The following GXYLT2 variants were observed in gnomAD, a reference collection of about 807,000 sequenced individuals.
GXYLT2 encodes the protein glucoside xylosyltransferase 2, also known as glycosyltransferase 8 domain containing 4.
A neutral mutation model predicts 45.8 loss-of-function variants in GXYLT2; 53 were observed. The ratio of observed to expected loss-of-function variants is 1.16; its 90% confidence interval spans 0.93 to 1.46. GXYLT2 has a LOEUF of 1.46. Ranked by LOEUF, GXYLT2 falls within the 40% of genes most tolerant of loss-of-function variation. The pLI, the probability that GXYLT2 is intolerant of heterozygous loss-of-function variation, is 0.00. For synonymous variants in GXYLT2, 219 were observed against 214.2 expected, an observed-to-expected ratio of 1.02 and a Z score of -0.19; for missense variants, 551 against 544.4, an observed-to-expected ratio of 1.01 and a Z score of -0.12.
intron 1 of GXYLT2, among the ~76,000 whole-genome samples, chr3:72,893,082 C>G (rs535448064): frequency 6.6e-6 from 1 of 152,142 alleles, no homozygotes; most frequent in Admixed American, 6.5e-5. Context: ...TCCTTACGGC[C>G]GCTTCAATAA....
chr3:72,895,569 A>G (rs1032174222), intron 1 of GXYLT2, among the ~76,000 whole-genome samples: 1 of 152,196 alleles, frequency 6.6e-6, no homozygotes, highest in Admixed American at 6.5e-5. Context: ...TTCCTTAGGA[A>G]TACTTCATTT....
intron 2 of GXYLT2, among the ~76,000 whole-genome samples, chr3:72,915,842 AAAAG>A (rs1709731370): frequency 6.6e-6 from 1 of 152,002 alleles, no homozygotes; most frequent in Non-Finnish European, 1.5e-5. Flanking sequence ...CAAAAAAAAA[AAAAG>A]AGAGATTGGG....
chr3:72,898,754 G>T (rs993092256), intron 1 of GXYLT2, among the ~76,000 whole-genome samples: 1 of 150,208 alleles, frequency 6.7e-6, no homozygotes, highest in African/African-American at 2.5e-5. Context: ...TTTTTCAGAT[G>T]GAGTTTCATT....
At chr3:72,944,787 CT>C (rs953662051) in intron 3 of GXYLT2, among the ~76,000 whole-genome samples, 1 of 152,040 alleles carries the variant, frequency 6.6e-6, no homozygotes, top group African/African-American at 2.4e-5. Context: ...TTTTCCTCCC[CT>C]AGCTCTCTTT....
intron 1 of GXYLT2, among the ~76,000 whole-genome samples, chr3:72,896,935 T>G (rs1310989053): frequency 1.3e-5 from 2 of 152,218 alleles, no homozygotes; most frequent in African/African-American, 4.8e-5. Context: ...AACATGCTTT[T>G]TGCTGCCCTG....
intron 3 of GXYLT2, among the ~76,000 whole-genome samples, chr3:72,941,752 G>A (rs1055447201): frequency 2.6e-5 from 4 of 151,820 alleles, no homozygotes; most frequent in Non-Finnish European, 4.4e-5. Context: ...AAGTAAAGAA[G>A]TAATTATGGA....
At chr3:72,931,590 C>T (rs1322340513) in intron 3 of GXYLT2, among the ~76,000 whole-genome samples, 1 of 151,998 alleles carries the variant, frequency 6.6e-6, no homozygotes, top group Non-Finnish European at 1.5e-5. Flanking sequence ...AGGGAAACTA[C>T]AATGAAAATG....
intron 3 of GXYLT2, among the ~76,000 whole-genome samples, chr3:72,947,796 C>A (rs2107133079): frequency 6.6e-6 from 1 of 152,014 alleles, no homozygotes; most frequent in Middle Eastern, 3.4e-3. Flanking sequence ...GAGCAAAACT[C>A]CATCTCTAAA....
At chr3:72,931,548 T>C (rs1186432776) in intron 3 of GXYLT2, among the ~76,000 whole-genome samples, 1 of 152,030 alleles carries the variant, frequency 6.6e-6, no homozygotes, top group Non-Finnish European at 1.5e-5. Context: ...TACTTCTTTC[T>C]AAATAGCCAA....
chr3:72,931,298 G>A (rs1045057530), intron 3 of GXYLT2, among the ~76,000 whole-genome samples: 3 of 151,192 alleles, frequency 2.0e-5, no homozygotes, highest in Non-Finnish European at 2.9e-5. Context: ...CTCCATCTCC[G>A]CTCACTGCAA....
intron 3 of GXYLT2, among the ~76,000 whole-genome samples, chr3:72,922,709 T>C (rs1709852400): frequency 6.6e-6 from 1 of 152,232 alleles, no homozygotes; most frequent in Non-Finnish European, 1.5e-5. Context: ...ATTTCTCTTA[T>C]CACAATAACA....
At chr3:72,920,820 T>TATATATATATATGTA (rs1559734879) in intron 2 of GXYLT2, among the ~76,000 whole-genome samples, 2 of 97,858 alleles carry the variant, frequency 2.0e-5, no homozygotes, top group African/African-American at 1.5e-4. Flanking sequence ...ATATATGTAT[T>TATATATATATATGTA]TTTTTTTTTT....
chr3:72,943,138 ATG>A, intron 3 of GXYLT2, among the ~76,000 whole-genome samples: 2 of 152,264 alleles, frequency 1.3e-5, no homozygotes, highest in Middle Eastern at 6.8e-3. Flanking sequence ...ACCCAAAGAG[ATG>A]TGTGTTTCAG....
chr3:72,926,591 T>A (rs1210025753), intron 3 of GXYLT2, among the ~76,000 whole-genome samples: 1 of 152,226 alleles, frequency 6.6e-6, no homozygotes, highest in Admixed American at 6.5e-5. Context: ...TTGAGTTGTA[T>A]GAATTCACAT....
At chr3:72,936,288 T>A in intron 3 of GXYLT2, among the ~76,000 whole-genome samples, 1 of 136,414 alleles carries the variant, frequency 7.3e-6, no homozygotes, top group Non-Finnish European at 1.5e-5. Flanking sequence ...CAAGACTCCA[T>A]CTCAAAAAAA....
At chr3:72,915,340 T>TC (rs1195553861) in intron 2 of GXYLT2, among the ~76,000 whole-genome samples, 1 of 102,034 alleles carries the variant, frequency 9.8e-6, no homozygotes, top group Non-Finnish European at 1.9e-5. Flanking sequence ...CCCATTTCCT[T>TC]TTTTTTTTTT....
chr3:72,949,320 C>G (rs1033033918), intron 3 of GXYLT2, among the ~76,000 whole-genome samples: 4 of 151,952 alleles, frequency 2.6e-5, no homozygotes, highest in Admixed American at 1.3e-4. Context: ...GCTTATTTAT[C>G]TCTTAGCTTA....
At chr3:72,973,511 G>A (rs13081565) in intron 6 of GXYLT2, among the ~76,000 whole-genome samples, 102,537 of 152,138 alleles carry the variant, frequency 0.67, 34,866 homozygotes, top group Admixed American at 0.75. Context: ...TTATGATTTA[G>A]AAATATCACC....
intron 1 of GXYLT2, among the ~76,000 whole-genome samples, chr3:72,896,742 T>C (rs1175118509): frequency 1.3e-5 from 2 of 151,680 alleles, no homozygotes; most frequent in Non-Finnish European, 2.9e-5. Context: ...CCAGCTACTC[T>C]GGAGGCTGAG....
Sources: allele counts gnomAD v4.1 joint callset (sites outside exome capture counted in the v4.1 genomes callset), GRCh38; gene constraint gnomAD v4.1.1; transcripts MANE v1.5; gene names NCBI Gene and HGNC (gene_info 2026-07-23, HGNC 2026-07-21).